The following RAPGEF1 variants were observed in gnomAD, a reference collection of about 807,000 sequenced individuals.
RAPGEF1 encodes CRK SH3-binding GNRP.
In RAPGEF1, 33 loss-of-function variants were observed where a neutral mutation model predicts 143.3. The ratio of observed to expected loss-of-function variants is 0.23; its 90% CI spans 0.17 to 0.31. The LOEUF (loss-of-function observed/expected upper bound fraction) is 0.31, where lower values mean the gene tolerates loss of function less well. Among genes scored for constraint, RAPGEF1 ranks in the 10% least tolerant of loss-of-function variants. RAPGEF1 has a pLI of 1.00. For synonymous variants in RAPGEF1, 629 were observed against 676.5 expected (o/e 0.93, Z 1.09); for missense variants, 1,199 against 1,645.4 (o/e 0.73, Z 4.69).
At chr9:131,586,595 G>C (rs1349266272) in intron 22 of RAPGEF1, among the ~76,000 whole-genome samples, 2 of 94,100 alleles carry the variant, frequency 2.1e-5, no homozygotes, top group East Asian at 3.0e-4. Flanking sequence ...CCTGCAGAGC[G>C]AGACTCCGTC....
chr9:131,718,339 C>T (rs1057313185), intron 1 of RAPGEF1, among the ~76,000 whole-genome samples: 2 of 152,264 alleles, frequency 1.3e-5, no homozygotes, highest in African/African-American at 4.8e-5. Flanking sequence ...GACCTCGGAT[C>T]GCTTCACATG....
At chr9:131,633,394 A>G (rs567603237) in intron 5 of RAPGEF1, among the ~76,000 whole-genome samples, 1 of 152,356 alleles carries the variant, frequency 6.6e-6, no homozygotes, top group African/African-American at 2.4e-5. Flanking sequence ...AAAGAGCGCC[A>G]GAACACAGTG....
Position 131,590,439 on chromosome 9 carries a change from G to C in RAPGEF1, c.2775-461C>G, listed in dbSNP as rs951366573. ...TTTCCATCCTGAGGCTGCCTCCCTG[G>C]GCTCTGCAAGGGAACTCTCACCTCC... On this transcript the variant is annotated intron_variant, in intron 18 of 26. Transcript: ENST00000683357. Among the ~76,000 whole-genome samples, 9 of 152,232 alleles carry C rather than the reference G, an allele frequency of 5.9e-5. No individual in the cohort carries two copies. The South Asian group carries it at 8.3e-4, about 14-fold the overall frequency.
At chr9:131,673,320 C>T (rs1831704490) in intron 1 of RAPGEF1, among the ~76,000 whole-genome samples, 1 of 152,180 alleles carries the variant, frequency 6.6e-6, no homozygotes, top group South Asian at 2.1e-4. Flanking sequence ...GGGGCTGAAA[C>T]ATCAGTGTGT....
At chr9:131,640,797 C>CA (rs1448252777) in intron 4 of RAPGEF1, among the ~76,000 whole-genome samples, 3 of 152,136 alleles carry the variant, frequency 2.0e-5, no homozygotes, top group African/African-American at 7.2e-5. Context: ...TTCCAGCTCG[C>CA]AAACTGCACT....
intron 1 of RAPGEF1, among the ~76,000 whole-genome samples, chr9:131,676,259 C>T (rs2130872253): frequency 6.6e-6 from 1 of 152,336 alleles, no homozygotes; most frequent in African/African-American, 2.4e-5. Flanking sequence ...CTTCCCAGCG[C>T]ACCCTGAGGA....
chr9:131,632,909 A>C (rs1187977659), intron 5 of RAPGEF1, among the ~76,000 whole-genome samples: 1 of 152,150 alleles, frequency 6.6e-6, no homozygotes, highest in Non-Finnish European at 1.5e-5. Context: ...CCCGCCCTCC[A>C]AAATTAAATG....
intron 1 of RAPGEF1, among the ~76,000 whole-genome samples, chr9:131,701,193 T>C (rs1233156150): frequency 6.6e-6 from 1 of 152,148 alleles, no homozygotes; most frequent in Non-Finnish European, 1.5e-5. Flanking sequence ...GGGAAAGAAA[T>C]AGCCAAACAC....
chr9:131,721,340 C>T (rs1452875749), intron 1 of RAPGEF1, among the ~76,000 whole-genome samples: 2 of 152,158 alleles, frequency 1.3e-5, no homozygotes, highest in African/African-American at 2.4e-5. Flanking sequence ...CCATCTGTCA[C>T]GCGCTCTGTC....
intron 1 of RAPGEF1, among the ~76,000 whole-genome samples, chr9:131,684,216 C>T (rs576831310): frequency 3.5e-4 from 53 of 152,342 alleles, no homozygotes; most frequent in African/African-American, 1.2e-3. Context: ...GGATGTCACA[C>T]ATGTTCCCTT....
intron 3 of RAPGEF1, among the ~76,000 whole-genome samples, chr9:131,648,160 C>A (rs561491874): frequency 6.6e-6 from 1 of 152,218 alleles, no homozygotes; most frequent in South Asian, 2.1e-4. Context: ...GAGGATGAGG[C>A]GGGCAGATCA....
intron 19 of RAPGEF1, 105 bp downstream of exon 19, chr9:131,589,781 C>T (rs1953878406): frequency 5.6e-6 from 6 of 1,064,188 alleles, no homozygotes; most frequent in Admixed American, 1.8e-5. Context: ...CAAGATAGAG[C>T]AGGCAAGAGC....
chr9:131,670,886 T>C (rs1831273687), intron 1 of RAPGEF1, among the ~76,000 whole-genome samples: 1 of 152,262 alleles, frequency 6.6e-6, no homozygotes, highest in Non-Finnish European at 1.5e-5. Context: ...CCTTTCTCAC[T>C]GCCTTTATGC....
At chr9:131,738,993 C>T (rs919563802) in intron 1 of RAPGEF1, among the ~76,000 whole-genome samples, 1 of 152,204 alleles carries the variant, frequency 6.6e-6, no homozygotes, top group Non-Finnish European at 1.5e-5. Flanking sequence ...GCCCACTTCA[C>T]CTTAGACCCA....
At chr9:131,612,613 A>G (rs955685387) in intron 12 of RAPGEF1, among the ~76,000 whole-genome samples, 1 of 152,078 alleles carries the variant, frequency 6.6e-6, no homozygotes, top group Non-Finnish European at 1.5e-5. Flanking sequence ...GCCTTTCTCT[A>G]TAGGTGGCTC....
intron 1 of RAPGEF1, among the ~76,000 whole-genome samples, chr9:131,724,696 TAGAA>T (rs1836524430): frequency 6.6e-6 from 1 of 152,170 alleles, no homozygotes; most frequent in Non-Finnish European, 1.5e-5. Context: ...TTAAGGAACT[TAGAA>T]AGAAAGCCTA....
intron 1 of RAPGEF1, among the ~76,000 whole-genome samples, chr9:131,730,010 T>C (rs1012024998): frequency 6.6e-6 from 1 of 151,372 alleles, no homozygotes; most frequent in Non-Finnish European, 1.5e-5. Context: ...CTGGCTAACA[T>C]GGTGAAACCC....
At chr9:131,637,944 C>T (rs2133224285) in intron 5 of RAPGEF1, among the ~76,000 whole-genome samples, 1 of 152,352 alleles carries the variant, frequency 6.6e-6, no homozygotes, top group East Asian at 1.9e-4. Context: ...TATGGCCTCA[C>T]ACAACAGCGG....
intron 15 of RAPGEF1, among the ~76,000 whole-genome samples, chr9:131,599,131 GT>G (rs56003715): frequency 1.2e-4 from 14 of 115,268 alleles, no homozygotes; most frequent in South Asian, 5.8e-4. Context: ...CCACTTATTT[GT>G]TTTTTTTTTT....
Sources: allele counts gnomAD v4.1 joint callset (sites outside exome capture counted in the v4.1 genomes callset), GRCh38; gene constraint gnomAD v4.1.1; transcripts MANE v1.5; gene names NCBI Gene and HGNC (gene_info 2026-07-23, HGNC 2026-07-21).